WDR47: variants seen among roughly 807,000 people sequenced by gnomAD.
The protein encoded by WDR47 is WD repeat-containing protein 47.
A neutral mutation model predicts 97.2 loss-of-function variants in WDR47; 32 were observed. The observed-to-expected ratio is 0.33, with a 90% CI of 0.25 to 0.44. The LOEUF is 0.44. Among genes scored for constraint, WDR47 ranks in the 20% least tolerant of loss-of-function variants. WDR47 has a pLI of 1.00. For missense variants in WDR47, 782 were observed against 1,102.3 expected (o/e 0.71, Z 4.11); for synonymous variants, 375 against 373.5 (o/e 1.00, Z -0.05).
intron 7 of WDR47, among the ~76,000 whole-genome samples, chr1:108,997,653 G>A (rs576823511): frequency 1.3e-4 from 19 of 151,438 alleles, no homozygotes; most frequent in African/African-American, 4.4e-4. Flanking sequence ...CCAGCTTCTC[G>A]GGAGGCTGAG....
At chr1:108,995,435 A>G in intron 8 of WDR47, 145 bp downstream of exon 8, 2 of 872,882 alleles carry the variant, frequency 2.3e-6, no homozygotes. Context: ...AAGAGAATAT[A>G]GACAAATGAA....
At chr1:109,028,422 C>T (rs867811676) in intron 1 of WDR47, among the ~76,000 whole-genome samples, 15 of 122,752 alleles carry the variant, frequency 1.2e-4, no homozygotes, top group Middle Eastern at 6.8e-3. Flanking sequence ...CAGGCTTAGT[C>T]TGACTGCTTG....
intron 13 of WDR47, among the ~76,000 whole-genome samples, chr1:108,979,231 TAAAC>T (rs943004369): frequency 1.3e-4 from 19 of 151,892 alleles, no homozygotes; most frequent in Non-Finnish European, 1.5e-4. Context: ...ACTACACAAA[TAAAC>T]AAACAAACAA....
intron 13 of WDR47, among the ~76,000 whole-genome samples, chr1:108,977,623 G>A (rs1041103942): frequency 5.9e-5 from 9 of 152,000 alleles, no homozygotes; most frequent in Middle Eastern, 3.4e-3. Flanking sequence ...AGGCCAATGC[G>A]GGCAGATCAC....
intron 9 of WDR47, among the ~76,000 whole-genome samples, chr1:108,987,842 A>G (rs1658957236): frequency 6.6e-6 from 1 of 152,166 alleles, no homozygotes; most frequent in Admixed American, 6.6e-5. Context: ...TAAGTAGCAT[A>G]TTCAAATTCC....
intron 10 of WDR47, among the ~76,000 whole-genome samples, chr1:108,986,224 T>C (rs935812072): frequency 3.3e-5 from 5 of 151,976 alleles, no homozygotes; most frequent in Non-Finnish European, 7.4e-5. Flanking sequence ...GTCTACTATA[T>C]AAAGACTTTT....
rs748757894 is a variant in WDR47, at chr1:108,986,529, T to C, written c.1919A>G (p.Asp640Gly). 5.0e-6 allele frequency: 8 copies of C among 1,605,954 alleles called. No individual in the cohort carries two copies. The highest frequency in any genetic ancestry group is 6.8e-6 in the Non-Finnish European group (8 of 1,176,236). ...ACAAATCATTGATCCTTACCTTGGA[T>C]CAATTACATCTGGATAGGCACATAC... The part of the protein sequence containing the change: ...LRVCAYPDVI[D>G]PSAHETPKQP... Residue 640 changes from aspartate to glycine, a missense_variant, in exon 10 of 15, where the codon GAT (aspartate) becomes GGT (glycine). Around this residue, in one of 3 missense-constraint regions of WDR47, gnomAD observed 228 missense variants for 396.7 expected, o/e 0.57. Coordinates refer to ENST00000369962, the MANE Select transcript of WDR47 (RefSeq NM_001142551.2).
intron 8 of WDR47, chr1:108,992,695 A>G: frequency 6.4e-7 from 1 of 1,551,552 alleles, no homozygotes; most frequent in East Asian, 2.2e-5. Context: ...GGATTAACCC[A>G]TACATGAGCT....
At chr1:109,023,297 T>C (rs1292352175) in intron 2 of WDR47, 58 bp downstream of exon 2, 7 of 1,540,386 alleles carry the variant, frequency 4.5e-6, no homozygotes, top group Non-Finnish European at 5.3e-6. Flanking sequence ...TATTACCTTA[T>C]TAATACTTAA....
chr1:109,025,657 C>T (rs1179893782), intron 1 of WDR47, among the ~76,000 whole-genome samples: 2 of 151,878 alleles, frequency 1.3e-5, no homozygotes, highest in African/African-American at 4.8e-5. Flanking sequence ...TTGCTTGAAC[C>T]CAGGAGGCGG....
At chr1:109,034,908 G>A (rs1662827971) in intron 1 of WDR47, among the ~76,000 whole-genome samples, 1 of 152,082 alleles carries the variant, frequency 6.6e-6, no homozygotes, top group African/African-American at 2.4e-5. Context: ...AATATAAACA[G>A]GCCCATTTAT....
intron 1 of WDR47, among the ~76,000 whole-genome samples, chr1:109,026,574 T>A (rs920693747): frequency 6.6e-6 from 1 of 152,094 alleles, no homozygotes; most frequent in African/African-American, 2.4e-5. Context: ...AGCAAAAAAA[T>A]GGCTTTTACT....
chr1:108,983,253 T>C (rs1334276823), intron 11 of WDR47, 29 bp downstream of exon 11: 2 of 1,569,874 alleles, frequency 1.3e-6, no homozygotes, highest in African/African-American at 2.7e-5. Context: ...ACTGGTAAGC[T>C]AGCTACTGCT....
At chr1:108,987,651 A>G (rs1432777645) in intron 9 of WDR47, among the ~76,000 whole-genome samples, 1 of 151,972 alleles carries the variant, frequency 6.6e-6, no homozygotes, top group Non-Finnish European at 1.5e-5. Context: ...AATTTTTAGT[A>G]GAGACAGGGT....
intron 9 of WDR47, among the ~76,000 whole-genome samples, chr1:108,990,794 A>G (rs1217232125): frequency 1.3e-5 from 2 of 152,040 alleles, no homozygotes; most frequent in Non-Finnish European, 2.9e-5. Context: ...AGATACCAAT[A>G]ATGAAATTAA....
At chr1:108,985,431 C>T (rs1434891415) in intron 10 of WDR47, among the ~76,000 whole-genome samples, 1 of 152,158 alleles carries the variant, frequency 6.6e-6, no homozygotes, top group African/African-American at 2.4e-5. Flanking sequence ...TTCTCTGACT[C>T]GCCAGTTTGC....
At chr1:108,987,693 C>G (rs1177104370) in intron 9 of WDR47, among the ~76,000 whole-genome samples, 1 of 149,636 alleles carries the variant, frequency 6.7e-6, no homozygotes, top group Non-Finnish European at 1.5e-5. Flanking sequence ...GTCTCAAACT[C>G]CTGACCTGAA....
chr1:108,971,294 G>C lies in WDR47; in HGVS notation c.*136C>G. On this transcript the variant is annotated 3_prime_UTR_variant, in exon 15 of 15. Transcript: ENST00000369962. ...ACACCACCCAACACCTCCTATCAGT[G>C]GGATACATGGTAATAAGGGGCCTCT... is the stretch of plus-strand genomic sequence containing the variant. 8.4e-7 allele frequency: 1 copy of C among 1,187,130 alleles called. No individual in the cohort carries two copies. Among genetic ancestry groups the C allele is most frequent in the African/African-American group, 1.5e-5 (1 of 65,644 alleles). The allele number at this position is 1,187,130 out of a possible 1,614,324, so 73.5% of individuals were successfully genotyped here.
intron 1 of WDR47, among the ~76,000 whole-genome samples, chr1:109,038,383 T>C (rs1187542332): frequency 6.6e-6 from 1 of 152,174 alleles, no homozygotes; most frequent in Non-Finnish European, 1.5e-5. Flanking sequence ...ATTTCAGTAA[T>C]TTAAAAAATA....
Sources: gnomAD v4.1 joint callset for allele counts (sites outside exome capture counted in the v4.1 genomes callset) on GRCh38, gnomAD v4.1.1 for gene constraint, gnomAD v4.1.1 regional missense constraint, MANE v1.5 for transcripts, NCBI Gene and HGNC (gene_info 2026-07-23, HGNC 2026-07-21) for gene names.